Variants in TTLL8 observed in about 807,000 individuals in gnomAD.
TTLL8 encodes the protein protein monoglycylase TTLL8.
Under a neutral mutation model 77.8 loss-of-function variants are expected in TTLL8, and 65 were observed. That is an observed-to-expected ratio of 0.84 (90% CI 0.68 to 1.03). The LOEUF is 1.03. Among genes scored for constraint, TTLL8 ranks in the 50% least tolerant of loss-of-function variants. The pLI is 0.00. For synonymous variants in TTLL8, 402 were observed against 422.8 expected, an observed-to-expected ratio of 0.95 and a Z score of 0.60; for missense variants, 910 against 1,004.5, an observed-to-expected ratio of 0.91 and a Z score of 1.27.
intron 1 of TTLL8, among the ~76,000 whole-genome samples, chr22:50,051,796 A>C (rs1342266242): frequency 6.6e-6 from 1 of 152,172 alleles, no homozygotes; most frequent in East Asian, 1.9e-4. Flanking sequence ...AGTGATGCTG[A>C]GCGCTTTTTC....
chr22:50,047,381 G>T (rs942884070), intron 3 of TTLL8, 85 bp from the exon 6 acceptor site: 6 of 1,166,536 alleles, frequency 5.1e-6, no homozygotes, highest in Non-Finnish European at 5.9e-6. Flanking sequence ...ACCATCAGAG[G>T]ACAAATGGCG....
rs373978372 is a variant in TTLL8 at position 50,031,926 on chromosome 22, G to A, written c.1467C>T (p.His489=). The A allele has an allele frequency of 7.2e-5, 99 of 1,366,870 alleles. No individual in the cohort carries two copies. Among genetic ancestry groups the A allele is most frequent in the African/African-American group, 3.1e-4 (21 of 67,764 alleles). 84.7% of individuals were successfully genotyped at this position (1,366,870 alleles called of 1,614,324 possible). A position where few individuals can be genotyped will look rare whatever the true frequency, so the allele number is the denominator to read the frequency against. ...CGTGGTCCTGGGCCACCTTCATGGC[G>A]TGGGCGATGGCCTTCTTCATGGACG... Residue 489 remains histidine, a synonymous_variant, in exon 11 of 14, where the codon CAC becomes CAT. Coordinates refer to ENST00000266182, the Ensembl canonical transcript of TTLL8.
intron 12 of TTLL8, among the ~76,000 whole-genome samples, chr22:50,023,704 T>C (rs1247681038): frequency 6.9e-6 from 1 of 144,586 alleles, no homozygotes; most frequent in African/African-American, 2.6e-5. Flanking sequence ...AATAAATAAA[T>C]AAATAAATAA....
chr22:50,056,442 C>G (rs990341197), upstream of TTLL8, among the ~76,000 whole-genome samples: 1 of 152,146 alleles, frequency 6.6e-6, no homozygotes, highest in Non-Finnish European at 1.5e-5. The surrounding 1 kb of genome is among the most constrained non-coding windows in gnomAD (Gnocchi z 4.1). Flanking sequence ...GGCCCTTAAA[C>G]GGTTGGGGGA....
At chr22:50,025,970 G>T (rs2061227759) in intron 12 of TTLL8, among the ~76,000 whole-genome samples, 1 of 152,166 alleles carries the variant, frequency 6.6e-6, no homozygotes, top group Non-Finnish European at 1.5e-5. Context: ...GAAATGGGAA[G>T]TTTCTTCTAA....
In TTLL8 at chr22:50,029,276, A is replaced by AC. The variant is rs771560034; in HGVS notation, c.2203+1153dup. 1.6e-3 allele frequency among the ~76,000 whole-genome samples: 82 copies of AC among 52,214 alleles called. 3 individuals carry two copies. The highest frequency in any genetic ancestry group is 3.0e-3 in the African/African-American group (40 of 13,392). The allele number at this position is 52,214 out of a possible 152,430, so 34.3% of individuals were successfully genotyped here. A position where few individuals can be genotyped will look rare whatever the true frequency, so the allele number is the denominator to read the frequency against. On this transcript the variant is annotated intron_variant, in intron 12 of 13. Transcript: ENST00000266182. Reference sequence around the variant, plus strand: ...AAGACCCCATCACACCATCCTGAAGACCCCACACACCCTCGTAAAGACCCC... The same window carrying AC: ...AAGACCCCATCACACCATCCTGAAGACCCCCACACACCCTCGTAAAGACCCC...
upstream of TTLL8, chr22:50,056,737 G>T (rs2061472831): frequency 7.9e-7 from 1 of 1,269,324 alleles, no homozygotes. The surrounding 1 kb of genome is among the most constrained non-coding windows in gnomAD (Gnocchi z 4.1). Flanking sequence ...GAAGGCGCCT[G>T]GTTCTGCAGC....
intron 1 of TTLL8, among the ~76,000 whole-genome samples, chr22:50,053,716 G>A (rs2061456314): frequency 6.6e-6 from 1 of 152,206 alleles, no homozygotes; most frequent in East Asian, 1.9e-4. Flanking sequence ...CAGGATTTGG[G>A]ACAGGGGTGG....
In TTLL8 at chr22:50,047,423, G is replaced by T; in HGVS notation, c.265-127C>A. 9 of 692,608 alleles carry T rather than the reference G, an allele frequency of 1.3e-5. No homozygotes were observed. In the South Asian group the frequency reaches 1.3e-4, roughly 10 times the overall value. The allele number at this position is 692,608 out of a possible 1,614,324, so 42.9% of individuals were successfully genotyped here. A position where few individuals can be genotyped will look rare whatever the true frequency, so the allele number is the denominator to read the frequency against. On this transcript the variant is annotated intron_variant, in intron 3 of 13. Coordinates refer to ENST00000266182, the Ensembl canonical transcript of TTLL8. ...GTGAGGATCCCAGCCGGGCTCTGCT[G>T]CAGGCAGTAGTGCTCCTTGTGGGCC...
chr22:50,021,745 T>C (rs574231883), intron 12 of TTLL8, among the ~76,000 whole-genome samples: 9 of 130,094 alleles, frequency 6.9e-5, no homozygotes, highest in Admixed American at 5.5e-4. Context: ...CACTCCTCCA[T>C]CTGATGTGCA....
intron 6 of TTLL8, among the ~76,000 whole-genome samples, chr22:50,042,993 C>A (rs2061381187): frequency 6.6e-6 from 1 of 152,218 alleles, no homozygotes; most frequent in South Asian, 2.1e-4. Flanking sequence ...TTGGTATTTA[C>A]CCAGATGAAT....
intron 11 of TTLL8, among the ~76,000 whole-genome samples, chr22:50,031,216 G>A (rs1372066863): frequency 6.6e-6 from 1 of 152,198 alleles, no homozygotes; most frequent in Non-Finnish European, 1.5e-5. Flanking sequence ...CAAGAGAGAG[G>A]CATTGGCCAC....
intron 1 of TTLL8, among the ~76,000 whole-genome samples, chr22:50,052,029 C>A (rs559641378): frequency 6.6e-6 from 1 of 152,098 alleles, no homozygotes; most frequent in African/African-American, 2.4e-5. Context: ...AGCACCCATA[C>A]GAGACATCCG....
chr22:50,040,739 C>T (rs1035844620), intron 8 of TTLL8, among the ~76,000 whole-genome samples: 1 of 152,204 alleles, frequency 6.6e-6, no homozygotes, highest in East Asian at 1.9e-4. Context: ...AAAGAATAAA[C>T]ACCACCCTGG....
intron 12 of TTLL8, among the ~76,000 whole-genome samples, chr22:50,022,121 T>A (rs1326965766): frequency 3.4e-5 from 5 of 146,342 alleles, no homozygotes; most frequent in African/African-American, 1.3e-4. Flanking sequence ...TCTGACGATG[T>A]GCACTCCTCC....
chr22:50,056,035 G>C (rs1046320316), upstream of TTLL8, among the ~76,000 whole-genome samples: 13 of 152,178 alleles, frequency 8.5e-5, no homozygotes, highest in Admixed American at 3.3e-4. The surrounding 1 kb of genome is among the most constrained non-coding windows in gnomAD (Gnocchi z 4.1). Flanking sequence ...ATGATGATGA[G>C]AGTGACCTCC....
In TTLL8 at chr22:50,034,124, C is replaced by T. The variant is rs2061318487; in HGVS notation, c.1039+221G>A. ...TACAAAGGAGGAAATCCTGATTAAC[C>T]CATCAACCCGGATCCTGCCCTGTGA... On this transcript the variant is annotated intron_variant, in intron 9 of 13. Coordinates refer to ENST00000266182, the Ensembl canonical transcript of TTLL8. This position sits in a 1 kb window ranked among gnomAD's most constrained non-coding sequence, Gnocchi z 4.1. 1.3e-5 allele frequency among the ~76,000 whole-genome samples: 2 copies of T among 152,186 alleles called. No individual in the cohort carries two copies. Among genetic ancestry groups the T allele is most frequent in the African/African-American group, 4.8e-5 (2 of 41,438 alleles).
In TTLL8 at chr22:50,046,822, C is replaced by T. The variant is rs554545892; in HGVS notation, c.393+346G>A. Among the ~76,000 whole-genome samples, 17 of 152,288 alleles carry T rather than the reference C, an allele frequency of 1.1e-4. No individual in the cohort carries two copies. In the South Asian group the frequency reaches 3.1e-3, roughly 28 times the overall value. On this transcript the variant is annotated intron_variant, in intron 4 of 13. Coordinates refer to ENST00000266182, the Ensembl canonical transcript of TTLL8. ...AGGCCGGGGGAGGCGGGGGAGTGCC[C>T]GGTGCTGGGGGGAGCGGCACCTCTT...
At chr22:50,051,632 C>A (rs1228437812) in intron 1 of TTLL8, among the ~76,000 whole-genome samples, 1 of 152,150 alleles carries the variant, frequency 6.6e-6, no homozygotes, top group Non-Finnish European at 1.5e-5. Flanking sequence ...ACAGTGGTTG[C>A]ACTAGTTTAT....
Sources: allele counts gnomAD v4.1 joint callset (sites outside exome capture counted in the v4.1 genomes callset), GRCh38; gene constraint gnomAD v4.1.1; non-coding constraint Gnocchi (gnomAD v3.1); transcripts MANE v1.5; gene names NCBI Gene and HGNC (gene_info 2026-07-23, HGNC 2026-07-21).